The following STPG2 variants were observed in gnomAD, a reference collection of about 807,000 sequenced individuals.
STPG2 encodes the protein sperm tail PG-rich repeat containing 2, also known as sperm-tail PG-rich repeat-containing protein 2.
A neutral mutation model predicts 54.2 loss-of-function variants in STPG2; 56 were observed. That is an observed-to-expected ratio of 1.03 (90% CI 0.83 to 1.29). STPG2 has a LOEUF of 1.29. STPG2 is among the 50% of genes most tolerant of loss of function. The pLI is 0.00. For synonymous variants in STPG2, 200 were observed against 181.8 expected, an observed-to-expected ratio of 1.10 and a Z score of -0.81; for missense variants, 596 against 544.9, an observed-to-expected ratio of 1.09 and a Z score of -0.93.
At chr4:98,016,324 A>G (rs938758269) in intron 5 of STPG2, among the ~76,000 whole-genome samples, 15 of 152,100 alleles carry the variant, frequency 9.9e-5, no homozygotes, top group African/African-American at 3.6e-4. Flanking sequence ...CAAATTCAGG[A>G]ATTCTTCTGT....
chr4:97,679,176 T>A (rs1483612255), intron 10 of STPG2, among the ~76,000 whole-genome samples: 1 of 152,318 alleles, frequency 6.6e-6, no homozygotes, highest in Non-Finnish European at 1.5e-5. Context: ...GTATTTCTAG[T>A]TCTAGATCCC....
intron 10 of STPG2, among the ~76,000 whole-genome samples, chr4:97,682,115 G>A (rs182307907): frequency 2.8e-4 from 42 of 151,742 alleles, no homozygotes; most frequent in Middle Eastern, 3.4e-3. Context: ...GTTAAAAGCA[G>A]AAAGTTATAT....
At chr4:97,928,413 C>G (rs1037396232) in intron 8 of STPG2, among the ~76,000 whole-genome samples, 4 of 152,074 alleles carry the variant, frequency 2.6e-5, no homozygotes, top group Admixed American at 2.6e-4. Context: ...ATACAGATAC[C>G]AGTACATCAT....
At chr4:97,532,999 C>T (rs1191010351) in intron 4 of STPG2, among the ~76,000 whole-genome samples, 1 of 152,148 alleles carries the variant, frequency 6.6e-6, no homozygotes, top group Non-Finnish European at 1.5e-5. Context: ...TCTCCTGCCT[C>T]AGCCTCCCAA....
chr4:98,008,422 T>G (rs1009425271), intron 5 of STPG2, among the ~76,000 whole-genome samples: 2 of 152,004 alleles, frequency 1.3e-5, no homozygotes, highest in Non-Finnish European at 2.9e-5. Flanking sequence ...CCCACTAGAT[T>G]GGTCCTACAA....
At chr4:97,691,422 G>T (rs996961300) in intron 10 of STPG2, among the ~76,000 whole-genome samples, 1 of 152,006 alleles carries the variant, frequency 6.6e-6, no homozygotes, top group African/African-American at 2.4e-5. Flanking sequence ...CACTTCCTTG[G>T]TGACCTGTAT....
intron 4 of STPG2, among the ~76,000 whole-genome samples, chr4:97,548,132 A>C (rs1413301499): frequency 6.6e-6 from 1 of 150,966 alleles, no homozygotes; most frequent in Non-Finnish European, 1.5e-5. Flanking sequence ...CCTGGGCAAC[A>C]AGAGTGAAAC....
chr4:97,657,105 A>G (rs867418738), intron 10 of STPG2, among the ~76,000 whole-genome samples: 75 of 152,236 alleles, frequency 4.9e-4, no homozygotes, highest in African/African-American at 1.8e-3. Context: ...AAACGATAAG[A>G]AGAAAAATAA....
intron 4 of STPG2, among the ~76,000 whole-genome samples, chr4:97,477,483 T>G (rs1434212657): frequency 1.3e-5 from 2 of 148,156 alleles, no homozygotes; most frequent in Non-Finnish European, 3.0e-5. Context: ...TTTGTTTTTT[T>G]TTTTTTTTTT....
At chr4:97,864,995 G>A (rs559136617) in intron 8 of STPG2, among the ~76,000 whole-genome samples, 1 of 152,208 alleles carries the variant, frequency 6.6e-6, no homozygotes, top group East Asian at 1.9e-4. Flanking sequence ...AACCCTAGAA[G>A]AAAACCTAGG....
chr4:97,750,079 G>C (rs1725538244), intron 9 of STPG2, among the ~76,000 whole-genome samples: 1 of 151,848 alleles, frequency 6.6e-6, no homozygotes, highest in African/African-American at 2.4e-5. Context: ...TTATTATTAT[G>C]AGTTATCAGA....
chr4:98,029,421 T>C (rs149104184), intron 5 of STPG2, among the ~76,000 whole-genome samples: 223 of 152,332 alleles, frequency 1.5e-3, no homozygotes, highest in African/African-American at 5.2e-3. Context: ...TTTTTCATTA[T>C]GAAATATCCC....
intron 5 of STPG2, among the ~76,000 whole-genome samples, chr4:98,031,132 A>G (rs1736583869): frequency 6.6e-6 from 1 of 152,166 alleles, no homozygotes; most frequent in Non-Finnish European, 1.5e-5. Context: ...GATATTCAAC[A>G]AACAAAAACA....
chr4:97,551,024 G>A (rs114723987), intron 4 of STPG2, among the ~76,000 whole-genome samples: 393 of 144,366 alleles, frequency 2.7e-3, no homozygotes, highest in African/African-American at 0.011. Context: ...GACCCCATTG[G>A]GTTGCCGCTG....
intron 8 of STPG2, among the ~76,000 whole-genome samples, chr4:97,862,656 C>A (rs974849195): frequency 2.0e-5 from 3 of 152,156 alleles, no homozygotes. Flanking sequence ...CTTCTCAGCA[C>A]CACACCACAC....
chr4:97,896,063 C>T (rs1351677197), intron 8 of STPG2, among the ~76,000 whole-genome samples: 1 of 151,782 alleles, frequency 6.6e-6, no homozygotes, highest in Non-Finnish European at 1.5e-5. Context: ...TTCCAAGTGT[C>T]ATCTCCTGCA....
At chr4:97,631,032 T>G (rs1247587674) in intron 10 of STPG2, among the ~76,000 whole-genome samples, 1 of 151,874 alleles carries the variant, frequency 6.6e-6, no homozygotes, top group Non-Finnish European at 1.5e-5. Context: ...TAAAAACTAC[T>G]CTGAAAATGA....
At chr4:97,923,403 G>A (rs1025132765) in intron 8 of STPG2, among the ~76,000 whole-genome samples, 3 of 152,124 alleles carry the variant, frequency 2.0e-5, no homozygotes, top group African/African-American at 7.2e-5. Context: ...GCTAAGGAGT[G>A]CAGGCGCACA....
intron 9 of STPG2, among the ~76,000 whole-genome samples, chr4:97,778,806 T>A (rs1056521546): frequency 6.6e-6 from 1 of 152,086 alleles, no homozygotes; most frequent in African/African-American, 2.4e-5. Context: ...CTGCTACTGA[T>A]CCCCAGGCAA....
Sources: allele counts gnomAD v4.1 joint callset (sites outside exome capture counted in the v4.1 genomes callset), GRCh38; gene constraint gnomAD v4.1.1; transcripts MANE v1.5; gene names NCBI Gene and HGNC (gene_info 2026-07-23, HGNC 2026-07-21).